Variants in HCN1 observed in about 807,000 individuals in gnomAD.
HCN1 encodes the protein hyperpolarization activated cyclic nucleotide gated potassium channel 1, also known as potassium/sodium hyperpolarization-activated cyclic nucleotide-gated channel 1.
HCN1 carries 13 observed loss-of-function variants against 78.9 expected under a neutral mutation model. The ratio of observed to expected loss-of-function variants is 0.16; its 90% CI spans 0.11 to 0.26. The LOEUF (loss-of-function observed/expected upper bound fraction) is 0.26. HCN1 is among the 10% of genes least tolerant of loss of function. HCN1 has a pLI of 1.00. For missense variants in HCN1, 810 were observed against 1,154.3 expected (o/e 0.70, Z 4.32); for synonymous variants, 552 against 455.5 (o/e 1.21, Z -2.70).
intron 2 of HCN1, among the ~76,000 whole-genome samples, chr5:45,466,587 A>G (rs981614068): frequency 6.6e-6 from 1 of 152,122 alleles, no homozygotes; most frequent in Admixed American, 6.6e-5. Flanking sequence ...ACGATTTGTT[A>G]TATTTTTTAG....
chr5:45,600,051 A>G (rs1176263865), intron 2 of HCN1, among the ~76,000 whole-genome samples: 1 of 152,088 alleles, frequency 6.6e-6, no homozygotes, highest in Non-Finnish European at 1.5e-5. Flanking sequence ...TCAAGCTAGC[A>G]AGGAAAAATC....
At chr5:45,613,239 G>C (rs1486287947) in intron 2 of HCN1, among the ~76,000 whole-genome samples, 1 of 145,858 alleles carries the variant, frequency 6.9e-6, no homozygotes, top group Non-Finnish European at 1.5e-5. Flanking sequence ...CCACCTATGA[G>C]TGAGAATATG....
chr5:45,351,615 G>C (rs1441244355), intron 5 of HCN1, among the ~76,000 whole-genome samples: 1 of 129,790 alleles, frequency 7.7e-6, no homozygotes, highest in Non-Finnish European at 1.5e-5. Context: ...GAAAATTTTC[G>C]CAACCTACTC....
At chr5:45,493,604 TTTA>T (rs1741946352) in intron 2 of HCN1, among the ~76,000 whole-genome samples, 1 of 151,904 alleles carries the variant, frequency 6.6e-6, no homozygotes, top group African/African-American at 2.4e-5. Flanking sequence ...TTTTTTTTTA[TTTA>T]TTATTATTAT....
intron 2 of HCN1, among the ~76,000 whole-genome samples, chr5:45,538,029 C>G (rs1743006609): frequency 3.7e-5 from 1 of 27,128 alleles, no homozygotes; most frequent in South Asian, 3.3e-3. Context: ...TGTGCAATAA[C>G]AGTTAAAAAA....
At chr5:45,550,551 C>T (rs546715343) in intron 2 of HCN1, among the ~76,000 whole-genome samples, 10 of 151,678 alleles carry the variant, frequency 6.6e-5, no homozygotes, top group East Asian at 3.9e-4. Flanking sequence ...ATGTAAATGA[C>T]GAGTTAATGG....
intron 1 of HCN1, among the ~76,000 whole-genome samples, chr5:45,677,769 A>G (rs1178928551): frequency 6.6e-6 from 1 of 151,928 alleles, no homozygotes; most frequent in East Asian, 1.9e-4. Context: ...TCAACCACAG[A>G]AGTAGCAAAC....
At chr5:45,306,717 G>A (rs1454781319) in intron 5 of HCN1, among the ~76,000 whole-genome samples, 1 of 152,040 alleles carries the variant, frequency 6.6e-6, no homozygotes, top group Non-Finnish European at 1.5e-5. Context: ...GGCACATTGA[G>A]GCAAATAAAA....
rs371602396 is a variant in HCN1 at position 45,262,132 on chromosome 5, G to A, written c.2462C>T (p.Ala821Val). Residue 821 changes from alanine (A) to valine (V), a missense_variant, in exon 8 of 8, where the codon GCG (alanine) becomes GTG (valine). Ala to Val is a moderately conservative substitution (Grantham distance 64). Coordinates refer to ENST00000303230, the MANE Select transcript of HCN1 (RefSeq NM_021072.4). ...TGCCTGAAGGCCCGTTCCGGGGACC[G>A]CCGTCACGGGTTGAGGGATGGAGGC... The part of the protein sequence containing the change: ...SLASIPQPVT[A>V]VPGTGLQAGG... The A allele has an allele frequency of 3.5e-5, 57 of 1,612,934 alleles. No individual in the cohort carries two copies. Among genetic ancestry groups the A allele is most frequent in the Non-Finnish European group, 4.2e-5 (49 of 1,179,424 alleles).
At chr5:45,291,986 C>A in intron 6 of HCN1, among the ~76,000 whole-genome samples, 1 of 151,354 alleles carries the variant, frequency 6.6e-6, no homozygotes, top group Admixed American at 6.6e-5. Context: ...TCCATGAATG[C>A]TAGAATTTTA....
intron 2 of HCN1, among the ~76,000 whole-genome samples, chr5:45,523,182 A>G (rs538668192): frequency 6.6e-6 from 1 of 152,314 alleles, no homozygotes; most frequent in South Asian, 2.1e-4. Flanking sequence ...TACAAAGGAC[A>G]TGAACTCATC....
intron 2 of HCN1, among the ~76,000 whole-genome samples, chr5:45,477,870 A>T (rs1741552559): frequency 6.6e-6 from 1 of 152,170 alleles, no homozygotes. Flanking sequence ...TTTTAATGAG[A>T]TACCATTTTT....
chr5:45,644,259 G>A (rs1392214809), intron 2 of HCN1: 2 of 152,088 alleles, frequency 1.3e-5, no homozygotes, highest in Admixed American at 6.6e-5. Flanking sequence ...CATTAGTGTC[G>A]ATTTAGGCAT....
chr5:45,518,025 A>G (rs1343378414), intron 2 of HCN1, among the ~76,000 whole-genome samples: 1 of 152,106 alleles, frequency 6.6e-6, no homozygotes, highest in Non-Finnish European at 1.5e-5. Flanking sequence ...ATGAATGCTA[A>G]AATTGAAGCA....
At chr5:45,540,262 A>T (rs1205980211) in intron 2 of HCN1, among the ~76,000 whole-genome samples, 1 of 151,974 alleles carries the variant, frequency 6.6e-6, no homozygotes, top group Non-Finnish European at 1.5e-5. Flanking sequence ...TCCAGCTTTG[A>T]CAGCTCTTAT....
In HCN1 at chr5:45,633,010, G is replaced by A. The variant is rs184270258; in HGVS notation, c.849+12175C>T. 2.6e-5 allele frequency among the ~76,000 whole-genome samples: 4 copies of A among 152,076 alleles called. No homozygotes were observed. The South Asian group carries it at 8.3e-4, about 32-fold the overall frequency. ...TTAGATATTTCTAATTGTTTATTTAGTAATTGTGAAAATTTCCTGGTTAAG... is the reference window on the plus strand; with the variant it reads ...TTAGATATTTCTAATTGTTTATTTAATAATTGTGAAAATTTCCTGGTTAAG... On this transcript the variant is annotated intron_variant, in intron 2 of 7. Coordinates refer to ENST00000303230, the MANE Select transcript of HCN1 (RefSeq NM_021072.4).
chr5:45,374,003 ATATACATAATATATAT>A (rs1747511866), intron 4 of HCN1, among the ~76,000 whole-genome samples: 1 of 69,906 alleles, frequency 1.4e-5, no homozygotes, highest in African/African-American at 7.6e-5. Context: ...AATATATATT[ATATACATAATATATAT>A]TATATATATT....
chr5:45,339,565 A>G (rs1746532371), intron 5 of HCN1, among the ~76,000 whole-genome samples: 1 of 152,122 alleles, frequency 6.6e-6, no homozygotes, highest in South Asian at 2.1e-4. Context: ...TTTTCCCTGA[A>G]GGGAATAAGA....
chr5:45,608,809 A>G (rs1307462599), intron 2 of HCN1, among the ~76,000 whole-genome samples: 1 of 152,060 alleles, frequency 6.6e-6, no homozygotes, highest in African/African-American at 2.4e-5. Context: ...GTATATCAAA[A>G]GACAAAATTA....
Sources: allele counts gnomAD v4.1 joint callset (sites outside exome capture counted in the v4.1 genomes callset), GRCh38; gene constraint gnomAD v4.1.1; transcripts MANE v1.5; gene names NCBI Gene and HGNC (gene_info 2026-07-23, HGNC 2026-07-21).